Variants in FBXO17 observed in about 807,000 individuals in gnomAD.
The protein encoded by FBXO17 is F-box protein 17.
FBXO17 carries 43 observed loss-of-function variants against 34.1 expected under a neutral mutation model. That is an observed-to-expected ratio of 1.26 (90% confidence interval 0.99 to 1.62). FBXO17 has a LOEUF of 1.62. FBXO17 is among the 40% of genes most tolerant of loss of function. The pLI is 0.00. For synonymous variants in FBXO17, 169 were observed against 166.0 expected (o/e 1.02, Z -0.14); for missense variants, 424 against 386.7 (o/e 1.10, Z -0.81).
At position 38,948,627 on chromosome 19, in the gene FBXO17, T is replaced by G; in HGVS notation, c.401A>C (p.Glu134Ala). ...CCCAGGCACCGGTGTTAGGTTCTTT[T>G]CTATGGCCCAGCCGTTCCCGCCATG... is the stretch of plus-strand genomic sequence containing the variant. ...VEHGGNGWAI[E>A]KNLTPVPGAP... Residue 134 changes from glutamate to alanine, a missense_variant, in exon 3 of 6, where the codon GAA becomes GCA. Coordinates refer to ENST00000292852, the MANE Select transcript of FBXO17 (RefSeq NM_024907.7). 1 of 1,614,134 alleles carries G rather than the reference T, an allele frequency of 6.2e-7. No homozygotes were observed. Among genetic ancestry groups the G allele is most frequent in the Non-Finnish European group, 8.5e-7 (1 of 1,180,020 alleles).
At chr19:38,953,688 A>C (rs56689681) in intron 1 of FBXO17, among the ~76,000 whole-genome samples, 28,193 of 151,892 alleles carry the variant, frequency 0.19, 3,286 homozygotes, top group South Asian at 0.33. Context: ...AAAACAAAAA[A>C]AGAGAGAGGG....
intron 3 of FBXO17, 101 bp downstream of exon 3, chr19:38,948,466 A>C: frequency 6.4e-6 from 5 of 778,224 alleles, no homozygotes; most frequent in Non-Finnish European, 1.1e-5. Flanking sequence ...AAATGGGGGA[A>C]GGAGAGGGTG....
At chr19:38,951,760 C>T (rs1975087493) in intron 1 of FBXO17, among the ~76,000 whole-genome samples, 1 of 151,682 alleles carries the variant, frequency 6.6e-6, no homozygotes, top group African/African-American at 2.4e-5. Context: ...AGTGATTCTC[C>T]TGCCTCAGCC....
At position 38,955,094 on chromosome 19, in the gene FBXO17, C is replaced by A. The variant is rs1322096090; in HGVS notation, c.-17-4758G>T. ...TACAGGCGCCCACCACCATGCCCAGCTAATTTTTTTGTATTTTTAGTAGAG... is the reference window on the plus strand; with the variant it reads ...TACAGGCGCCCACCACCATGCCCAGATAATTTTTTTGTATTTTTAGTAGAG... On this transcript the variant is annotated intron_variant, in intron 1 of 5. Coordinates refer to ENST00000292852, the MANE Select transcript of FBXO17 (RefSeq NM_024907.7). Among the ~76,000 whole-genome samples, 12 of 151,514 alleles carry A rather than the reference C, an allele frequency of 7.9e-5. No individual in the cohort carries two copies. In the East Asian group the frequency reaches 2.1e-3, roughly 27 times the overall value.
intron 1 of FBXO17, among the ~76,000 whole-genome samples, chr19:38,959,994 AG>A (rs1975224801): frequency 6.6e-6 from 1 of 152,220 alleles, no homozygotes; most frequent in South Asian, 2.1e-4. Context: ...CAAGAAAAAC[AG>A]ATATGGCAGT....
chr19:38,952,136 TG>T (rs1001229396), intron 1 of FBXO17, among the ~76,000 whole-genome samples: 9 of 151,954 alleles, frequency 5.9e-5, no homozygotes, highest in Non-Finnish European at 1.2e-4. Context: ...GTAGTAGAGA[TG>T]GGGTTTCACC....
chr19:38,951,329 C>G (rs542578620), intron 1 of FBXO17, among the ~76,000 whole-genome samples: 1 of 151,910 alleles, frequency 6.6e-6, no homozygotes, highest in South Asian at 2.1e-4. Context: ...CTATGCCCAG[C>G]TAGTTTTTTA....
intron 1 of FBXO17, among the ~76,000 whole-genome samples, chr19:38,953,818 G>C (rs190224693): frequency 5.9e-5 from 9 of 152,272 alleles, no homozygotes; most frequent in Admixed American, 3.3e-4. Context: ...AAGTGGGCGG[G>C]AAGGTGGGAG....
chr19:38,952,802 C>T (rs1568440980), intron 1 of FBXO17: 1 of 457,786 alleles, frequency 2.2e-6, no homozygotes, highest in Non-Finnish European at 4.4e-6. Context: ...GTTTGAATAA[C>T]AGCAGCCTCT....
chr19:38,943,466 G>A (rs1018500355), intron 5 of FBXO17, among the ~76,000 whole-genome samples: 3 of 151,810 alleles, frequency 2.0e-5, no homozygotes, highest in African/African-American at 7.3e-5. Flanking sequence ...TAGAGACGGG[G>A]GTTTTGCCAT....
At chr19:38,960,115 A>G (rs372867021) in intron 1 of FBXO17, among the ~76,000 whole-genome samples, 3 of 152,204 alleles carry the variant, frequency 2.0e-5, no homozygotes, top group African/African-American at 7.2e-5. Context: ...GAGTTAGCTT[A>G]TAAGTATCTC....
chr19:38,956,511 G>C (rs1329187080), intron 1 of FBXO17, among the ~76,000 whole-genome samples: 2 of 152,170 alleles, frequency 1.3e-5, no homozygotes, highest in Non-Finnish European at 2.9e-5. Context: ...TTCATGAGCT[G>C]ATCCAGCTTA....
At chr19:38,963,119 A>G (rs1325288625) in intron 1 of FBXO17, among the ~76,000 whole-genome samples, 1 of 152,114 alleles carries the variant, frequency 6.6e-6, no homozygotes, top group Non-Finnish European at 1.5e-5. Flanking sequence ...TGTTTAAATT[A>G]CTGTGTGGTT....
At chr19:38,971,268 T>C (rs966433177) in intron 1 of FBXO17, among the ~76,000 whole-genome samples, 1 of 151,952 alleles carries the variant, frequency 6.6e-6, no homozygotes, top group African/African-American at 2.4e-5. Flanking sequence ...TGTGAGGAGT[T>C]ACTATGATTA....
At position 38,943,702 on chromosome 19, in the gene FBXO17, C is replaced by T. The variant is rs371774913; in HGVS notation, c.694-951G>A. ...CCTCCCCCGGTTCAATAAATTCTCCCGCCTCAGTCTCCCCAGAAGCTGGGA... is the reference window on the plus strand; with the variant it reads ...CCTCCCCCGGTTCAATAAATTCTCCTGCCTCAGTCTCCCCAGAAGCTGGGA... On this transcript the variant is annotated intron_variant, in intron 5 of 5. Transcript: ENST00000292852. Among the ~76,000 whole-genome samples, 134 of 152,204 alleles carry T rather than the reference C, an allele frequency of 8.8e-4. 1 individual carries two copies. In the East Asian group the frequency reaches 0.014, roughly 16 times the overall value.
chr19:38,974,823 T>G (rs1230839171), intron 1 of FBXO17, among the ~76,000 whole-genome samples: 6 of 151,852 alleles, frequency 4.0e-5, no homozygotes. Context: ...TTGGGGGCGG[T>G]GGTGAGGGAG....
At chr19:38,965,755 C>A (rs1373904707) in intron 1 of FBXO17, among the ~76,000 whole-genome samples, 1 of 152,122 alleles carries the variant, frequency 6.6e-6, no homozygotes, top group Non-Finnish European at 1.5e-5. Flanking sequence ...GATCCACCCA[C>A]CTCAGCCTCC....
At chr19:38,954,680 A>G (rs981436906) in intron 1 of FBXO17, among the ~76,000 whole-genome samples, 3 of 148,200 alleles carry the variant, frequency 2.0e-5, no homozygotes, top group Non-Finnish European at 3.0e-5. Flanking sequence ...CCCAGGTTTA[A>G]GCAATTCTCC....
chr19:38,959,056 C>T (rs1211672360), intron 1 of FBXO17, among the ~76,000 whole-genome samples: 1 of 152,074 alleles, frequency 6.6e-6, no homozygotes, highest in Non-Finnish European at 1.5e-5. Flanking sequence ...ACACATGCCA[C>T]CATGCCCAGC....
Sources: gnomAD v4.1 joint callset for allele counts (sites outside exome capture counted in the v4.1 genomes callset) on GRCh38, gnomAD v4.1.1 for gene constraint, MANE v1.5 for transcripts, NCBI Gene and HGNC (gene_info 2026-07-23, HGNC 2026-07-21) for gene names.